C4orf36: variants seen among roughly 807,000 people sequenced by gnomAD.
C4orf36 encodes chromosome 4 open reading frame 36, also known as uncharacterized protein C4orf36.
Under a neutral mutation model 12.2 loss-of-function variants are expected in C4orf36, and 11 were observed. The ratio of observed to expected loss-of-function variants is 0.90; its 90% CI spans 0.57 to 1.49. The LOEUF is 1.49. Ranked by LOEUF, C4orf36 falls within the 40% of genes most tolerant of loss-of-function variation. C4orf36 has a pLI of 0.00. For synonymous variants in C4orf36, 54 were observed against 51.3 expected, an observed-to-expected ratio of 1.05 and a Z score of -0.22; for missense variants, 137 against 133.9, an observed-to-expected ratio of 1.02 and a Z score of -0.11.
intron 2 of C4orf36, among the ~76,000 whole-genome samples, chr4:86,889,367 A>AAAAC (rs1747304812): frequency 6.6e-6 from 1 of 151,226 alleles, no homozygotes. Context: ...AAAAAAAAAA[A>AAAAC]ATGGAAATAA....
At chr4:86,931,191 A>G in the C4orf36 span, among the ~76,000 whole-genome samples, 2 of 152,240 alleles carry the variant, frequency 1.3e-5, no homozygotes, top group Admixed American at 6.5e-5. Flanking sequence ...GTCCTATTTC[A>G]TATCACTGCC....
chr4:86,891,899 G>C (rs548241595), intron 1 of C4orf36, among the ~76,000 whole-genome samples: 110 of 152,230 alleles, frequency 7.2e-4, no homozygotes, highest in Admixed American at 8.5e-4. Flanking sequence ...GTGTCTGATC[G>C]TGGCAGTGCT....
chr4:86,891,352 G>A (rs1490203345), intron 2 of C4orf36, 104 bp downstream of exon 2: 2 of 972,522 alleles, frequency 2.1e-6, no homozygotes, highest in African/African-American at 1.6e-5. Context: ...ACATAGCCCA[G>A]TATCTCATGG....
Position 86,878,093 on chromosome 4 carries a change from TC to T in C4orf36, c.*3-1651del, listed in dbSNP as rs200593202. On this transcript the variant is annotated intron_variant, in intron 4 of 4. Coordinates refer to ENST00000295898, the MANE Select transcript of C4orf36 (RefSeq NM_144645.4). The stretch of plus-strand genomic sequence containing the variant: ...AACGAGTTGCATGTGTTTTTTTTTT[TC>T]ATCTTTATTATCAGATTCTCTAAAA... Among the ~76,000 whole-genome samples, 33 of 152,008 alleles carry T rather than the reference TC, an allele frequency of 2.2e-4. No individual in the cohort carries two copies. The East Asian group carries it at 5.8e-3, about 27-fold the overall frequency.
At chr4:86,888,790 A>G (rs1747280629) in intron 2 of C4orf36, among the ~76,000 whole-genome samples, 1 of 152,202 alleles carries the variant, frequency 6.6e-6, no homozygotes, top group East Asian at 1.9e-4. Flanking sequence ...AATATCAGCT[A>G]CATGTTTCTC....
At chr4:86,894,693 T>A (rs1478927507), upstream of C4orf36, among the ~76,000 whole-genome samples, 1 of 152,228 alleles carries the variant, frequency 6.6e-6, no homozygotes, top group Non-Finnish European at 1.5e-5. Flanking sequence ...CATTACTGTG[T>A]ATGACTTCTG....
chr4:86,892,613 G>A (rs1166092888), upstream of C4orf36, among the ~76,000 whole-genome samples: 1 of 152,248 alleles, frequency 6.6e-6, no homozygotes, highest in Non-Finnish European at 1.5e-5. Flanking sequence ...ACCTTTCCTG[G>A]GAAGGACGCT....
At chr4:86,913,670 G>A in the C4orf36 span, 15 of 1,600,816 alleles carry the variant, frequency 9.4e-6, no homozygotes, top group East Asian at 2.2e-5. Flanking sequence ...CAACAGACAT[G>A]GTGCTGTTGT....
At chr4:86,892,150 G>A (rs1158855929) in intron 1 of C4orf36, 33 bp downstream of exon 1, 3 of 985,544 alleles carry the variant, frequency 3.0e-6, no homozygotes, top group Non-Finnish European at 2.4e-6. Flanking sequence ...CCGCGGAGAA[G>A]GGAACGGCCT....
chr4:86,929,110 C>T, the C4orf36 span, among the ~76,000 whole-genome samples: 9 of 152,262 alleles, frequency 5.9e-5, no homozygotes, highest in East Asian at 1.7e-3. Flanking sequence ...TATGAGTTTT[C>T]TGTCGCTGCA....
In C4orf36 at chr4:86,892,388, AC is replaced by A. The variant is rs1747459778; in HGVS notation, c.-280del. 9.1e-6 allele frequency: 9 copies of A among 985,506 alleles called. No homozygotes were observed. In the South Asian group the frequency reaches 3.8e-4, roughly 41 times the overall value. 61.0% of individuals were successfully genotyped at this position (985,506 alleles called of 1,614,324 possible). ...CGCCTCGGGGCCGCGCCGCAGGCAC[AC>A]GCCTCCTTCCCGCTCGCCGCGGGCG... On this transcript the variant is annotated 5_prime_UTR_variant, in exon 1 of 5. Coordinates refer to ENST00000295898, the MANE Select transcript of C4orf36 (RefSeq NM_144645.4).
chr4:86,899,057 C>T, the C4orf36 span, among the ~76,000 whole-genome samples: 1 of 152,196 alleles, frequency 6.6e-6, no homozygotes, highest in African/African-American at 2.4e-5. Flanking sequence ...TGCCACTGTA[C>T]CTGGTCAACA....
the C4orf36 span, among the ~76,000 whole-genome samples, chr4:86,931,293 G>A: frequency 6.6e-6 from 1 of 151,952 alleles, no homozygotes; most frequent in Non-Finnish European, 1.5e-5. Flanking sequence ...CCTTAACCTG[G>A]CTTAGACTAA....
At chr4:86,877,230 T>A (rs1322867344) in intron 4 of C4orf36, among the ~76,000 whole-genome samples, 2 of 152,230 alleles carry the variant, frequency 1.3e-5, no homozygotes, top group African/African-American at 4.8e-5. Flanking sequence ...CTAACAACTA[T>A]CTTTGGTTGT....
the C4orf36 span, among the ~76,000 whole-genome samples, chr4:86,910,890 C>T: frequency 1.3e-5 from 2 of 151,798 alleles, no homozygotes; most frequent in African/African-American, 4.8e-5. Context: ...ATGGTGAAAC[C>T]CCTGCTGTAC....
chr4:86,934,811 C>T, the C4orf36 span: 2 of 152,238 alleles, frequency 1.3e-5, no homozygotes, highest in African/African-American at 4.8e-5. Context: ...GTATTCCGTC[C>T]TGAGCTGCCG....
intron 4 of C4orf36, among the ~76,000 whole-genome samples, chr4:86,878,518 A>G (rs965659883): frequency 2.0e-5 from 3 of 152,180 alleles, no homozygotes; most frequent in African/African-American, 7.2e-5. Flanking sequence ...TCCAGAAACA[A>G]GTTAAGAGGT....
At chr4:86,892,569 T>C (rs1747471919), upstream of C4orf36, 2 of 619,558 alleles carry the variant, frequency 3.2e-6, no homozygotes, top group Non-Finnish European at 4.0e-6. Context: ...GCTCTCGGAA[T>C]CCAGCCAACC....
chr4:86,898,359 C>T, the C4orf36 span, among the ~76,000 whole-genome samples: 1 of 151,678 alleles, frequency 6.6e-6, no homozygotes, highest in South Asian at 2.1e-4. Flanking sequence ...GCCACTGGCC[C>T]CCAGTCTGGG....
Sources: gnomAD v4.1 joint callset for allele counts (sites outside exome capture counted in the v4.1 genomes callset) on GRCh38, gnomAD v4.1.1 for gene constraint, MANE v1.5 for transcripts, NCBI Gene and HGNC (gene_info 2026-07-23, HGNC 2026-07-21) for gene names.